The following KHDRBS3 variants were observed in gnomAD, a reference collection of about 807,000 sequenced individuals.
The protein encoded by KHDRBS3 is KH domain-containing, RNA-binding, signal transduction-associated protein 3.
In KHDRBS3, 23 loss-of-function variants were observed where a neutral mutation model predicts 45.6. That is an observed-to-expected ratio of 0.50 (90% CI 0.36 to 0.72). The LOEUF (loss-of-function observed/expected upper bound fraction) is 0.72, where lower values mean the gene tolerates loss of function less well. Among genes scored for constraint, KHDRBS3 ranks in the 30% least tolerant of loss-of-function variants. KHDRBS3 has a pLI of 0.00. For missense variants in KHDRBS3, 352 were observed against 424.8 expected, an observed-to-expected ratio of 0.83 and a Z score of 1.51; for synonymous variants, 162 against 156.5, an observed-to-expected ratio of 1.04 and a Z score of -0.26.
Position 135,561,920 on chromosome 8 carries a change from G to A in KHDRBS3, c.611+4333G>A, listed in dbSNP as rs376238649. Among the ~76,000 whole-genome samples, 72 of 151,980 alleles carry A rather than the reference G, an allele frequency of 4.7e-4. No homozygotes were observed. In the South Asian group the frequency reaches 0.015, roughly 31 times the overall value. ...ATAAAGATATAAAGAAAATATTTTC[G>A]TACAGATTCACAGTGTTTGTGTTTT... On this transcript the variant is annotated intron_variant, in intron 5 of 8. Transcript: ENST00000355849.
At chr8:135,570,480 T>C (rs767923804) in intron 5 of KHDRBS3, among the ~76,000 whole-genome samples, 1 of 152,238 alleles carries the variant, frequency 6.6e-6, no homozygotes, top group East Asian at 1.9e-4. Flanking sequence ...TTTATATTAA[T>C]GTACCAATCA....
At chr8:135,619,324 T>C (rs1830043257) in intron 7 of KHDRBS3, among the ~76,000 whole-genome samples, 1 of 152,150 alleles carries the variant, frequency 6.6e-6, no homozygotes, top group Non-Finnish European at 1.5e-5. Context: ...TCAAAAGTAT[T>C]GGATATAGTC....
chr8:135,539,888 A>G (rs1825960404), intron 2 of KHDRBS3: 1 of 152,252 alleles, frequency 6.6e-6, no homozygotes, highest in Admixed American at 6.5e-5. Context: ...AAAGGTATAT[A>G]AAAGTCAATA....
At chr8:135,589,835 A>C (rs1391757197) in intron 6 of KHDRBS3, among the ~76,000 whole-genome samples, 1 of 152,180 alleles carries the variant, frequency 6.6e-6, no homozygotes, top group Non-Finnish European at 1.5e-5. Context: ...AACGCCAACT[A>C]ATTCTGTGTC....
At chr8:135,525,378 C>T (rs1563742955) in intron 2 of KHDRBS3, among the ~76,000 whole-genome samples, 2 of 152,028 alleles carry the variant, frequency 1.3e-5, no homozygotes, top group Non-Finnish European at 2.9e-5. Context: ...TTCTAGTATT[C>T]CCCCCTCACA....
intron 1 of KHDRBS3, among the ~76,000 whole-genome samples, chr8:135,468,372 T>A (rs1344034509): frequency 6.6e-6 from 1 of 152,212 alleles, no homozygotes; most frequent in Non-Finnish European, 1.5e-5. Flanking sequence ...AAGATCTGGG[T>A]GCTGGTAGTC....
At chr8:135,506,044 T>C (rs1199517062) in intron 1 of KHDRBS3, among the ~76,000 whole-genome samples, 4 of 152,134 alleles carry the variant, frequency 2.6e-5, no homozygotes, top group Non-Finnish European at 5.9e-5. Context: ...GGTGTGGAGC[T>C]AAGAGACCAT....
At chr8:135,551,755 G>A (rs1047898145) in intron 4 of KHDRBS3, among the ~76,000 whole-genome samples, 5 of 151,978 alleles carry the variant, frequency 3.3e-5, no homozygotes, top group African/African-American at 1.2e-4. Flanking sequence ...ACTATTTTGG[G>A]TGCCCTTCAT....
At chr8:135,544,803 G>A (rs1292191489) in intron 3 of KHDRBS3, among the ~76,000 whole-genome samples, 2 of 152,224 alleles carry the variant, frequency 1.3e-5, no homozygotes, top group East Asian at 3.9e-4. Context: ...TTCTGCAAGT[G>A]GCTGATTGTG....
At chr8:135,474,581 C>T (rs6999027) in intron 1 of KHDRBS3, among the ~76,000 whole-genome samples, 16,150 of 152,172 alleles carry the variant, frequency 0.11, 956 homozygotes, top group East Asian at 0.18. Context: ...TCCTTGAAAT[C>T]AAGCACTGTT....
intron 4 of KHDRBS3, among the ~76,000 whole-genome samples, chr8:135,556,750 A>G (rs1032070341): frequency 5.3e-5 from 8 of 152,168 alleles, no homozygotes; most frequent in African/African-American, 1.9e-4. Flanking sequence ...AAATTTACCC[A>G]TGTCTTAGCT....
intron 1 of KHDRBS3, among the ~76,000 whole-genome samples, chr8:135,483,147 G>T (rs1486564059): frequency 6.6e-6 from 1 of 152,012 alleles, no homozygotes; most frequent in Admixed American, 6.6e-5. Context: ...AAACTGAAGG[G>T]TTTTCTCTAT....
chr8:135,468,635 G>C (rs1352114800), intron 1 of KHDRBS3, among the ~76,000 whole-genome samples: 1 of 152,210 alleles, frequency 6.6e-6, no homozygotes, highest in Non-Finnish European at 1.5e-5. Context: ...AACAGGCAGT[G>C]TGCCATGGGC....
chr8:135,546,309 C>A (rs1259182066), intron 3 of KHDRBS3, among the ~76,000 whole-genome samples: 1 of 151,952 alleles, frequency 6.6e-6, no homozygotes, highest in Non-Finnish European at 1.5e-5. Flanking sequence ...AAGAGATTCC[C>A]ATTACTTATT....
intron 7 of KHDRBS3, among the ~76,000 whole-genome samples, chr8:135,632,087 A>G (rs1267993063): frequency 6.6e-6 from 1 of 152,188 alleles, no homozygotes; most frequent in African/African-American, 2.4e-5. Flanking sequence ...CACTTCCTCT[A>G]CAAAACCCAA....
At chr8:135,614,412 A>T (rs966440900) in intron 7 of KHDRBS3, among the ~76,000 whole-genome samples, 23 of 151,868 alleles carry the variant, frequency 1.5e-4, no homozygotes, top group Admixed American at 6.6e-4. Context: ...GCTAAGTGGA[A>T]TTAGTTTATA....
intron 6 of KHDRBS3, among the ~76,000 whole-genome samples, chr8:135,605,534 TCTTATA>T (rs541584608): frequency 7.7e-4 from 117 of 152,334 alleles, no homozygotes; most frequent in Middle Eastern, 3.4e-3. Flanking sequence ...GAGACACTGT[TCTTATA>T]CTTTAGTTGG....
intron 7 of KHDRBS3, among the ~76,000 whole-genome samples, chr8:135,615,556 A>G (rs1829882174): frequency 6.6e-6 from 1 of 152,190 alleles, no homozygotes; most frequent in Non-Finnish European, 1.5e-5. Flanking sequence ...AGTAGTACCC[A>G]TATCATTGAC....
rs16905386 is a variant in KHDRBS3 at position 135,521,097 on chromosome 8, T to G, written c.89-140T>G. ...GAAGAATCATTGATGAAACCGGAAATGTACTTGAAAACATTTGCCTCAATT... is the reference window on the plus strand; with the variant it reads ...GAAGAATCATTGATGAAACCGGAAAGGTACTTGAAAACATTTGCCTCAATT... On this transcript the variant is annotated intron_variant, in intron 1 of 8. Transcript: ENST00000355849. 4.6e-3 allele frequency: 2,894 copies of G among 628,802 alleles called. 52 individuals carry two copies. The African/African-American group carries it at 0.047, about 10-fold the overall frequency. 39.0% of individuals were successfully genotyped at this position (628,802 alleles called of 1,614,324 possible).
Sources: gnomAD v4.1 joint callset for allele counts (sites outside exome capture counted in the v4.1 genomes callset) on GRCh38, gnomAD v4.1.1 for gene constraint, MANE v1.5 for transcripts, NCBI Gene and HGNC (gene_info 2026-07-23, HGNC 2026-07-21) for gene names.